Variants in C1orf21 observed in about 807,000 individuals in gnomAD.
The protein encoded by C1orf21 is uncharacterized protein C1orf21.
A neutral mutation model predicts 18.7 loss-of-function variants in C1orf21; 3 were observed. The observed-to-expected ratio is 0.16, with a 90% CI of 0.07 to 0.42. The LOEUF (loss-of-function observed/expected upper bound fraction) is 0.42. Among genes scored for constraint, C1orf21 ranks in the 10% least tolerant of loss-of-function variants. C1orf21 has a pLI of 0.99. For synonymous variants in C1orf21, 41 were observed against 46.4 expected, an observed-to-expected ratio of 0.88 and a Z score of 0.47; for missense variants, 104 against 143.6, an observed-to-expected ratio of 0.72 and a Z score of 1.41.
At chr1:184,435,847 G>C (rs1656848937) in intron 1 of C1orf21, among the ~76,000 whole-genome samples, 1 of 152,180 alleles carries the variant, frequency 6.6e-6, no homozygotes, top group Non-Finnish European at 1.5e-5. Flanking sequence ...TTTCAGCATT[G>C]GGAAGGACAA....
At chr1:184,461,686 G>A (rs1306283237) in intron 1 of C1orf21, among the ~76,000 whole-genome samples, 1 of 152,154 alleles carries the variant, frequency 6.6e-6, no homozygotes, top group Non-Finnish European at 1.5e-5. Context: ...GAATGATGGA[G>A]GGTAGGCTCC....
At chr1:184,448,120 A>G (rs1029222153) in intron 1 of C1orf21, among the ~76,000 whole-genome samples, 4 of 152,048 alleles carry the variant, frequency 2.6e-5, no homozygotes, top group African/African-American at 7.2e-5. Context: ...GTCTTGATCT[A>G]TCACCCAGGC....
At chr1:184,556,110 ACT>A (rs1469983646) in intron 3 of C1orf21, among the ~76,000 whole-genome samples, 4 of 151,984 alleles carry the variant, frequency 2.6e-5, no homozygotes, top group African/African-American at 7.2e-5. Context: ...ACATACACAC[ACT>A]GAGAGGCATC....
intron 3 of C1orf21, among the ~76,000 whole-genome samples, chr1:184,523,033 A>T (rs1658326223): frequency 6.6e-6 from 1 of 152,256 alleles, no homozygotes; most frequent in Non-Finnish European, 1.5e-5. Context: ...AATATCCATG[A>T]GTCCATACTG....
chr1:184,427,701 A>C (rs1656663649), intron 1 of C1orf21, among the ~76,000 whole-genome samples: 1 of 152,234 alleles, frequency 6.6e-6, no homozygotes, highest in Admixed American at 6.5e-5. Context: ...CTCCAGCTCC[A>C]AAATATAGGT....
chr1:184,418,149 G>A (rs1266191600), intron 1 of C1orf21, among the ~76,000 whole-genome samples: 3 of 149,066 alleles, frequency 2.0e-5, no homozygotes, highest in Non-Finnish European at 4.5e-5. Context: ...TTTGTGGCCT[G>A]TCATCAACTA....
intron 3 of C1orf21, chr1:184,567,523 C>T (rs1659051459): frequency 1.9e-6 from 1 of 528,396 alleles, no homozygotes; most frequent in Non-Finnish European, 3.8e-6. Flanking sequence ...CTAACACCAT[C>T]CTCCTTGACA....
At chr1:184,541,846 T>G (rs1321364943) in intron 3 of C1orf21, among the ~76,000 whole-genome samples, 1 of 152,168 alleles carries the variant, frequency 6.6e-6, no homozygotes. Flanking sequence ...GCAGAGTTGC[T>G]CAGCTAGAAG....
At chr1:184,485,838 C>T (rs1036958997) in intron 2 of C1orf21, among the ~76,000 whole-genome samples, 9 of 152,110 alleles carry the variant, frequency 5.9e-5, no homozygotes, top group African/African-American at 2.2e-4. Flanking sequence ...TGTTATTTCC[C>T]GAAGGTGAGA....
At chr1:184,398,234 C>G (rs1656093427) in intron 1 of C1orf21, among the ~76,000 whole-genome samples, 1 of 152,092 alleles carries the variant, frequency 6.6e-6, no homozygotes, top group South Asian at 2.1e-4. Flanking sequence ...GAGTACACGA[C>G]ATGCACTGTT....
At chr1:184,428,627 G>A (rs987020037) in intron 1 of C1orf21, among the ~76,000 whole-genome samples, 3 of 152,138 alleles carry the variant, frequency 2.0e-5, no homozygotes, top group African/African-American at 7.2e-5. Flanking sequence ...GTAATACTTT[G>A]TAGACATTTA....
chr1:184,584,940 G>A (rs955341613), intron 3 of C1orf21, among the ~76,000 whole-genome samples: 2 of 152,176 alleles, frequency 1.3e-5, no homozygotes, highest in Non-Finnish European at 2.9e-5. Context: ...TGTAAGTGGT[G>A]ATAAAGAAAC....
chr1:184,578,826 C>T (rs1659231392), intron 3 of C1orf21, among the ~76,000 whole-genome samples: 1 of 151,922 alleles, frequency 6.6e-6, no homozygotes, highest in Middle Eastern at 3.2e-3. Flanking sequence ...TCCAATTCTC[C>T]TCCCAAGCAC....
intron 1 of C1orf21, among the ~76,000 whole-genome samples, chr1:184,461,768 C>T (rs1208753103): frequency 2.0e-5 from 3 of 152,136 alleles, no homozygotes; most frequent in Non-Finnish European, 2.9e-5. Flanking sequence ...TAGAGAATTT[C>T]GCTTTCCCTT....
At chr1:184,471,601 C>T (rs1657497878) in intron 1 of C1orf21, among the ~76,000 whole-genome samples, 1 of 151,998 alleles carries the variant, frequency 6.6e-6, no homozygotes, top group African/African-American at 2.4e-5. Flanking sequence ...GCTCGGGCTT[C>T]TCATGCCCTC....
At chr1:184,494,845 CTTT>C (rs569758976) in intron 2 of C1orf21, among the ~76,000 whole-genome samples, 5 of 142,914 alleles carry the variant, frequency 3.5e-5, no homozygotes, top group Admixed American at 1.4e-4. Flanking sequence ...TTTGCTTTTG[CTTT>C]TTTTTTTTTT....
intron 3 of C1orf21, among the ~76,000 whole-genome samples, chr1:184,514,655 C>T (rs988601452): frequency 6.6e-6 from 1 of 152,174 alleles, no homozygotes; most frequent in Non-Finnish European, 1.5e-5. Context: ...CTAGCAGCTG[C>T]CCATGTGCAT....
chr1:184,485,659 AAG>A (rs1657722455), intron 2 of C1orf21, among the ~76,000 whole-genome samples: 1 of 152,140 alleles, frequency 6.6e-6, no homozygotes, highest in Non-Finnish European at 1.5e-5. Flanking sequence ...GATTTGGGCA[AAG>A]AGGGGTACAT....
chr1:184,502,327 G>A (rs1657988267), intron 2 of C1orf21, among the ~76,000 whole-genome samples: 1 of 152,186 alleles, frequency 6.6e-6, no homozygotes, highest in Admixed American at 6.5e-5. Context: ...ACAAGGGGCT[G>A]TAATCCCATT....
Sources: allele counts gnomAD v4.1 joint callset (sites outside exome capture counted in the v4.1 genomes callset), GRCh38; gene constraint gnomAD v4.1.1; transcripts MANE v1.5; gene names NCBI Gene and HGNC (gene_info 2026-07-23, HGNC 2026-07-21).